The following MAPKBP1 variants were observed in gnomAD, a reference collection of about 807,000 sequenced individuals.
MAPKBP1 encodes mitogen-activated protein kinase binding protein 1.
Under a neutral mutation model 170.5 loss-of-function variants are expected in MAPKBP1, and 71 were observed. The observed-to-expected ratio is 0.42, with a 90% CI of 0.34 to 0.51. MAPKBP1 has a LOEUF of 0.51. Ranked by LOEUF, MAPKBP1 falls within the 20% of genes least tolerant of loss-of-function variation. The probability of loss-of-function intolerance (pLI) is 0.06; values close to 1 mark genes in which losing one functional copy is unlikely to be tolerated. For missense variants in MAPKBP1, 1,598 were observed against 1,933.0 expected (o/e 0.83, Z 3.25); for synonymous variants, 719 against 757.9 (o/e 0.95, Z 0.84).
At chr15:41,794,787 A>G (rs1482031245) in intron 2 of MAPKBP1, among the ~76,000 whole-genome samples, 2 of 152,178 alleles carry the variant, frequency 1.3e-5, no homozygotes, top group Non-Finnish European at 1.5e-5. Context: ...TCACATTCTG[A>G]TGGGACAGAC....
chr15:41,790,936 C>T (rs990913015), intron 2 of MAPKBP1, among the ~76,000 whole-genome samples: 1 of 152,222 alleles, frequency 6.6e-6, no homozygotes, highest in African/African-American at 2.4e-5. Flanking sequence ...GCCTCCTGGC[C>T]TTGGCTTCTT....
rs1213604926 is a variant in MAPKBP1, at chr15:41,819,580, C to CCTGTTT, written c.2426-10_2426-5dup. On this transcript the variant is annotated splice_polypyrimidine_tract_variant and intron_variant, in intron 21 of 30. Transcript: ENST00000457542. Reference sequence around the variant, plus strand: ...GGGCAGGAGACACTTCCTCTGACTGCCTGTTTCTGTCTAGCCTCGGTCCCC... The same window carrying CCTGTTT: ...GGGCAGGAGACACTTCCTCTGACTGCCTGTTTCTGTTTCTGTCTAGCCTCGGTCCCC... The CCTGTTT allele has an allele frequency of 8.2e-6, 13 of 1,587,244 alleles. No homozygotes were observed. Among genetic ancestry groups the CCTGTTT allele is most frequent in the Middle Eastern group, 1.7e-4 (1 of 5,922 alleles).
intron 5 of MAPKBP1, 125 bp from the exon 6 acceptor site, chr15:41,811,831 CT>C: frequency 1.1e-6 from 1 of 925,842 alleles, no homozygotes; most frequent in Non-Finnish European, 1.7e-6. Context: ...CCTGCCCTGA[CT>C]TTTGGCTGGG....
chr15:41,816,609 ACT>A lies in MAPKBP1; in HGVS notation c.1547_1548del (p.Ser516Ter), dbSNP rs757972355. ...GAGATGCTGAAGGTGGAGGCCCATG[ACT>A]CTGAGATTCTGTGCCTGGAGTATTC... On this transcript the variant is annotated frameshift_variant, in exon 13 of 31. Coordinates refer to ENST00000457542, the MANE Select transcript of MAPKBP1 (RefSeq NM_014994.3). LOFTEE classifies it high-confidence loss of function. 2.5e-6 allele frequency: 4 copies of A among 1,613,910 alleles called. No individual in the cohort carries two copies. Among genetic ancestry groups the A allele is most frequent in the Non-Finnish European group, 2.5e-6 (3 of 1,180,032 alleles).
chr15:41,816,137 T>TGATCA (rs2064886936), intron 12 of MAPKBP1: 1 of 340,782 alleles, frequency 2.9e-6, no homozygotes, highest in Non-Finnish European at 5.4e-6. Context: ...ACAGAGTAAC[T>TGATCA]GATCAATACT....
At chr15:41,824,401 C>T in intron 29 of MAPKBP1, 83 bp from the exon 30 acceptor site, 2 of 1,295,638 alleles carry the variant, frequency 1.5e-6, no homozygotes, top group East Asian at 2.5e-5. Context: ...AGGGCTAGGT[C>T]TCTCCTGTTC....
At chr15:41,799,002 T>G (rs992451034) in intron 2 of MAPKBP1, among the ~76,000 whole-genome samples, 1 of 152,136 alleles carries the variant, frequency 6.6e-6, no homozygotes, top group African/African-American at 2.4e-5. Flanking sequence ...AGTCTCAATC[T>G]CACTTGGCAT....
intron 2 of MAPKBP1, among the ~76,000 whole-genome samples, chr15:41,788,930 C>G (rs934184164): frequency 6.6e-6 from 1 of 152,062 alleles, no homozygotes; most frequent in Non-Finnish European, 1.5e-5. Context: ...ATTGCTATAT[C>G]CAGGAATGTG....
At chr15:41,780,219 A>G (rs948958288) in intron 2 of MAPKBP1, among the ~76,000 whole-genome samples, 2 of 152,142 alleles carry the variant, frequency 1.3e-5, no homozygotes, top group African/African-American at 4.8e-5. Context: ...ATTTGAGTCA[A>G]TGTCTTATTT....
intron 2 of MAPKBP1, among the ~76,000 whole-genome samples, chr15:41,794,639 C>G (rs2064454173): frequency 6.6e-6 from 1 of 152,088 alleles, no homozygotes; most frequent in South Asian, 2.1e-4. Context: ...CCTGGGCTTT[C>G]ACTGTTTCTG....
chr15:41,817,988 AAG>A lies in MAPKBP1; in HGVS notation c.1905-17_1905-16del. The A allele has an allele frequency of 1.2e-6, 2 of 1,613,132 alleles. No individual in the cohort carries two copies. Among genetic ancestry groups the A allele is most frequent in the Non-Finnish European group, 1.7e-6 (2 of 1,179,138 alleles). On this transcript the variant is annotated intron_variant, in intron 16 of 30. Transcript: ENST00000457542. This position sits in a 1 kb window ranked among gnomAD's most constrained non-coding sequence, Gnocchi z 4.2. ...CCACCTTCACCGCCTCCTCATGAGA[AAG>A]AGACTATGTTTCTTACAGGATATTT...
chr15:41,802,147 TTAAAATATCATA>T, intron 3 of MAPKBP1, among the ~76,000 whole-genome samples: 1 of 152,242 alleles, frequency 6.6e-6, no homozygotes, highest in East Asian at 1.9e-4. Flanking sequence ...AAAAGTATGG[TTAAAATATCATA>T]TAAAATATAT....
In MAPKBP1 at chr15:41,814,587, G is replaced by T. The variant is rs1305229087; in HGVS notation, c.1018G>T (p.Asp340Tyr). ...TGGAGTGGCGAATGCCAGGTATCCA[G>T]ACACCATTGCCTTGACCTTTGATCC... ...FSGVANARYP[D>Y]TIALTFDPTN... is the part of the protein sequence containing the mutation. Residue 340 changes from aspartate to tyrosine, a missense_variant, in exon 10 of 31, where the codon GAC (aspartate) becomes TAC (tyrosine). Coordinates refer to ENST00000457542, the MANE Select transcript of MAPKBP1 (RefSeq NM_014994.3). 3 of 1,614,148 alleles carry T rather than the reference G, an allele frequency of 1.9e-6. No homozygotes were observed. Among genetic ancestry groups the T allele is most frequent in the Non-Finnish European group, 1.7e-6 (2 of 1,180,014 alleles).
intron 2 of MAPKBP1, among the ~76,000 whole-genome samples, chr15:41,783,745 C>T (rs2064229604): frequency 6.6e-6 from 1 of 152,230 alleles, no homozygotes; most frequent in Non-Finnish European, 1.5e-5. Flanking sequence ...TTCTTGGCCT[C>T]ACGCCTATAA....
At chr15:41,791,292 A>G (rs2064391633) in intron 2 of MAPKBP1, among the ~76,000 whole-genome samples, 1 of 152,218 alleles carries the variant, frequency 6.6e-6, no homozygotes, top group Non-Finnish European at 1.5e-5. Flanking sequence ...TTTCTTTACC[A>G]GTATGAGGTC....
At chr15:41,819,152 C>A in intron 20 of MAPKBP1, 94 bp from the exon 21 acceptor site, 1 of 1,506,738 alleles carries the variant, frequency 6.6e-7, no homozygotes, top group Admixed American at 1.7e-5. Flanking sequence ...CTCATCTTCC[C>A]CTCATTGAGT....
At position 41,813,799 on chromosome 15, in the gene MAPKBP1, C is replaced by T. The variant is rs200440658; in HGVS notation, c.980+18C>T. On this transcript the variant is annotated intron_variant, in intron 9 of 30. Transcript: ENST00000457542. ...GAGGCCAGGTGAGCTATGTGGGCCC[C>T]CCTTCCTCCATTTGTAGCCTTACCC... 5.1e-6 allele frequency: 8 copies of T among 1,565,322 alleles called. No individual in the cohort carries two copies. The highest frequency in any genetic ancestry group is 5.2e-6 in the Non-Finnish European group (6 of 1,156,692).
At chr15:41,808,807 A>T (rs2064751673) in intron 3 of MAPKBP1, among the ~76,000 whole-genome samples, 1 of 152,158 alleles carries the variant, frequency 6.6e-6, no homozygotes. Flanking sequence ...CCTGACTGTG[A>T]CATTCTAGAA....
At chr15:41,819,557 G>GGGGGGGAGGGGGGGGGGGGGGC in intron 21 of MAPKBP1, 38 bp from the exon 22 acceptor site, 1 of 1,384,690 alleles carries the variant, frequency 7.2e-7, no homozygotes, top group Non-Finnish European at 1.0e-6. Context: ...CGGGGGGGGG[G>GGGGGGGAGGGGGGGGGGGGGGC]CAGGAGACAC....
Sources: gnomAD v4.1 joint callset for allele counts (sites outside exome capture counted in the v4.1 genomes callset) on GRCh38, gnomAD v4.1.1 for gene constraint, Gnocchi (gnomAD v3.1) non-coding constraint, MANE v1.5 for transcripts, NCBI Gene and HGNC (gene_info 2026-07-23, HGNC 2026-07-21) for gene names.